The following OPA3 variants were observed in gnomAD, a reference collection of about 807,000 sequenced individuals.
OPA3 encodes outer mitochondrial membrane lipid metabolism regulator OPA3.
OPA3 carries 6 observed loss-of-function variants against 4.0 expected under a neutral mutation model. The ratio of observed to expected loss-of-function variants is 1.51; its 90% CI spans 0.83 to 2.99. The LOEUF is 2.99. Ranked by LOEUF, OPA3 falls within the 30% of genes most tolerant of loss-of-function variation. The pLI is 0.00. For synonymous variants in OPA3, 105 were observed against 117.1 expected (o/e 0.90, Z 0.67); for missense variants, 235 against 256.2 (o/e 0.92, Z 0.56).
chr19:45,529,237 G>C, exon 2 of OPA3: 5 of 1,613,136 alleles, frequency 3.1e-6, no homozygotes, highest in Non-Finnish European at 4.2e-6. Flanking sequence ...GCCCCGCAGC[G>C]CCTCCCTGGC....
rs1346674058 is a variant in OPA3, at chr19:45,553,681, C to T, written c.373G>A (p.Glu125Lys). 5 of 1,605,156 alleles carry T rather than the reference C, an allele frequency of 3.1e-6. No homozygotes were observed. Among genetic ancestry groups the T allele is most frequent in the Non-Finnish European group, 4.2e-6 (5 of 1,178,552 alleles). The change falls in exon 2 of 2, where the codon GAG becomes AAG. Residue 125 changes from glutamate (E) to lysine (K), a missense_variant. By Grantham distance (56) the Glu-to-Lys change is moderately conservative (BLOSUM62 1). Transcript: ENST00000263275. The part of the protein sequence containing the change: ...QRAAWNALRD[E>K]VGHLALALEA... ...AGCGCCAGCGCCAGGTGGCCCACCT[C>T]GTCCCGCAGCGCGTTCCAGGCAGCA...
At chr19:45,543,082 T>G (rs1969205657), downstream of OPA3, among the ~76,000 whole-genome samples, 1 of 151,956 alleles carries the variant, frequency 6.6e-6, no homozygotes, top group Admixed American at 6.6e-5. Context: ...TGATCTCGGC[T>G]CACTGCAACC....
At chr19:45,559,795 G>A (rs1320826584) in intron 1 of OPA3, among the ~76,000 whole-genome samples, 1 of 151,884 alleles carries the variant, frequency 6.6e-6, no homozygotes, top group African/African-American at 2.4e-5. Context: ...CTGAACCATA[G>A]GCTGGGTCAG....
rs1969376017 is a variant in OPA3, at chr19:45,553,710, T to C, written c.344A>G (p.Gln115Arg). 6.2e-7 allele frequency: 1 copy of C among 1,608,958 alleles called. No homozygotes were observed. The highest frequency in any genetic ancestry group is 1.3e-5 in the African/African-American group (1 of 74,920). The change falls in exon 2 of 2, where the codon CAG becomes CGG. Residue 115 changes from glutamine to arginine, a missense_variant. By Grantham distance (43) the Gln-to-Arg change is conservative. Coordinates refer to ENST00000263275, the MANE Select transcript of OPA3 (RefSeq NM_025136.4). ...QAQQRHKEEE[Q>R]RAAWNALRDE... Reference sequence around the variant, plus strand: ...CCGCAGCGCGTTCCAGGCAGCACGCTGCTCCTCCTCCTTGTGGCGCTGCTG... The same window carrying C: ...CCGCAGCGCGTTCCAGGCAGCACGCCGCTCCTCCTCCTTGTGGCGCTGCTG...
intron 1 of OPA3, among the ~76,000 whole-genome samples, chr19:45,560,851 G>A (rs1159233719): frequency 6.6e-6 from 1 of 152,116 alleles, no homozygotes; most frequent in Non-Finnish European, 1.5e-5. Flanking sequence ...GATTTCCCCG[G>A]GAAAGGAGGG....
Position 45,529,177 on chromosome 19 carries a change from T to C in OPA3, c.422A>G (p.Gln141Arg), listed in dbSNP as rs761140317. ...CAGGGCGAGCTGCGTCGACGTCGCCTGCACCTGCGCCTGCAACTCCTCGAG... is the reference window on the plus strand; with the variant it reads ...CAGGGCGAGCTGCGTCGACGTCGCCCGCACCTGCGCCTGCAACTCCTCGAG... The change falls in exon 2 of 2, where the codon CAG (glutamine) becomes CGG (arginine). Residue 141 changes from glutamine (Q) to arginine (R), a missense_variant. Physicochemically the swap from Gln to Arg is conservative, Grantham distance 43. Coordinates refer to the OPA3 transcript ENST00000323060. 5.0e-6 allele frequency: 8 copies of C among 1,610,088 alleles called. No homozygotes were observed. In the African/African-American group the frequency reaches 9.3e-5, roughly 19 times the overall value.
chr19:45,576,734 A>G (rs978305574), intron 1 of OPA3, among the ~76,000 whole-genome samples: 1 of 151,852 alleles, frequency 6.6e-6, no homozygotes, highest in Admixed American at 6.6e-5. Context: ...GCATCCCTCA[A>G]ATCATTCCCT....
downstream of OPA3, among the ~76,000 whole-genome samples, chr19:45,544,256 C>A (rs534358004): frequency 2.4e-4 from 36 of 152,300 alleles, 1 homozygote; most frequent in Admixed American, 1.8e-3. Context: ...ACGTTCATAG[C>A]AGCCCTATTC....
At position 45,548,720 on chromosome 19, in the gene OPA3, G is replaced by A. The variant is rs114917731; in HGVS notation, c.*4794C>T. 2.4e-3 allele frequency: 2,362 copies of A among 982,924 alleles called. 41 individuals are homozygous for A. The African/African-American group carries it at 0.038, about 16-fold the overall frequency. 60.9% of individuals were successfully genotyped at this position (982,924 alleles called of 1,614,324 possible). A position where few individuals can be genotyped will look rare whatever the true frequency, so the allele number is the denominator to read the frequency against. Reference sequence around the variant, plus strand: ...GGACACTGGGTCCATGTCCCGGTGCGGGACCACCTCAGTGAGTTTTTTGAG... The same window carrying A: ...GGACACTGGGTCCATGTCCCGGTGCAGGACCACCTCAGTGAGTTTTTTGAG... On this transcript the variant is annotated 3_prime_UTR_variant, in exon 2 of 2. Coordinates refer to ENST00000263275, the MANE Select transcript of OPA3 (RefSeq NM_025136.4).
chr19:45,582,653 C>A (rs1342892886), intron 1 of OPA3, among the ~76,000 whole-genome samples: 1 of 151,852 alleles, frequency 6.6e-6, no homozygotes, highest in Non-Finnish European at 1.5e-5. Flanking sequence ...TGTCTTCTTG[C>A]GCTCAGTCAG....
intron 1 of OPA3, among the ~76,000 whole-genome samples, chr19:45,539,966 T>C (rs1056667921): frequency 6.6e-6 from 1 of 152,148 alleles, no homozygotes; most frequent in African/African-American, 2.4e-5. Context: ...AATTGGAATG[T>C]GGAGATGGTT....
At chr19:45,565,137 G>A (rs1446452835) in intron 1 of OPA3, among the ~76,000 whole-genome samples, 1 of 152,144 alleles carries the variant, frequency 6.6e-6, no homozygotes, top group African/African-American at 2.4e-5. Flanking sequence ...CGGAGGCTGA[G>A]GTAGGAGAAT....
chr19:45,551,088 G>A lies in OPA3; in HGVS notation c.*2426C>T. On this transcript the variant is annotated 3_prime_UTR_variant, in exon 2 of 2. Transcript: ENST00000263275. ...TGATCCTCCTGCCTCAGCCTCCCAA[G>A]TAGCTGGGACTACAGGCATGCATCA... The A allele has an allele frequency of 3.2e-6, 1 of 314,082 alleles. No homozygotes were observed. Among genetic ancestry groups the A allele is most frequent in the Non-Finnish European group, 4.6e-6 (1 of 216,156 alleles). The allele number at this position is 314,082 out of a possible 1,614,324, so 19.5% of individuals were successfully genotyped here. A position where few individuals can be genotyped will look rare whatever the true frequency, so the allele number is the denominator to read the frequency against.
intron 1 of OPA3, among the ~76,000 whole-genome samples, chr19:45,573,559 C>T (rs997832227): frequency 6.6e-6 from 1 of 152,054 alleles, no homozygotes; most frequent in Non-Finnish European, 1.5e-5. Context: ...ACATAACAAC[C>T]CAATTACAAG....
At chr19:45,554,316 G>A (rs1269207403) in intron 1 of OPA3, among the ~76,000 whole-genome samples, 1 of 152,224 alleles carries the variant, frequency 6.6e-6, no homozygotes, top group Non-Finnish European at 1.5e-5. Context: ...GCTACAGATG[G>A]GGGAGAGGGG....
At chr19:45,537,394 C>A (rs2122387476) in intron 1 of OPA3, among the ~76,000 whole-genome samples, 2 of 20,078 alleles carry the variant, frequency 1.0e-4, no homozygotes, top group Non-Finnish European at 7.4e-5. Context: ...AAGACTCTGT[C>A]TCAAAAAAAA....
intron 1 of OPA3, among the ~76,000 whole-genome samples, chr19:45,535,522 T>C (rs1969106132): frequency 6.6e-6 from 1 of 151,716 alleles, no homozygotes; most frequent in African/African-American, 2.4e-5. Flanking sequence ...CATGCCTGGC[T>C]AATTTTTGTA....
chr19:45,556,876 T>G (rs1359602104), intron 1 of OPA3, among the ~76,000 whole-genome samples: 1 of 152,212 alleles, frequency 6.6e-6, no homozygotes, highest in African/African-American at 2.4e-5. Context: ...ACTGAGGTCT[T>G]AGGGTCAGGC....
At chr19:45,561,802 G>A (rs769752953) in intron 1 of OPA3, among the ~76,000 whole-genome samples, 4 of 151,790 alleles carry the variant, frequency 2.6e-5, no homozygotes, top group African/African-American at 7.3e-5. Flanking sequence ...TTAGCTGGGC[G>A]TGGTGGCAGG....
Sources: allele counts gnomAD v4.1 joint callset (sites outside exome capture counted in the v4.1 genomes callset), GRCh38; gene constraint gnomAD v4.1.1; transcripts MANE v1.5; gene names NCBI Gene and HGNC (gene_info 2026-07-23, HGNC 2026-07-21).